Variants in DNAI7 observed in about 807,000 individuals in gnomAD.
The protein encoded by DNAI7 is cancer susceptibility 1.
In DNAI7, 78 loss-of-function variants were observed where a neutral mutation model predicts 86.6. The observed-to-expected ratio is 0.90, with a 90% confidence interval of 0.75 to 1.09. The LOEUF (loss-of-function observed/expected upper bound fraction) is 1.09. DNAI7 is among the 50% of genes least tolerant of loss of function. DNAI7 has a pLI of 0.00. For synonymous variants in DNAI7, 274 were observed against 273.0 expected (o/e 1.00, Z -0.04); for missense variants, 753 against 810.2 (o/e 0.93, Z 0.86).
Position 25,108,839 on chromosome 12 carries a change from A to AAAAAAAAAAAAC in DNAI7, c.1894-17_1894-16insGTTTTTTTTTTT. 9.0e-7 allele frequency: 1 copy of AAAAAAAAAAAAC among 1,112,048 alleles called. No homozygotes were observed. Among genetic ancestry groups the AAAAAAAAAAAAC allele is most frequent in the Non-Finnish European group, 1.2e-6 (1 of 814,768 alleles). 68.9% of individuals were successfully genotyped at this position (1,112,048 alleles called of 1,614,324 possible). Reference sequence around the variant, plus strand: ...GTTCCCTCACCTAAAAAAAAAAAAAATTCAAGCAAGTTGTTAATAATTCCT... The same window carrying AAAAAAAAAAAAC: ...GTTCCCTCACCTAAAAAAAAAAAAAAAAAAAAAAAAACTTCAAGCAAGTTGTTAATAATTCCT... On this transcript the variant is annotated splice_polypyrimidine_tract_variant and intron_variant, in intron 15 of 15. Coordinates refer to ENST00000395987, the MANE Select transcript of DNAI7 (RefSeq NM_018272.5).
At chr12:25,184,359 A>G (rs938760780) in intron 2 of DNAI7, among the ~76,000 whole-genome samples, 7 of 152,010 alleles carry the variant, frequency 4.6e-5, no homozygotes, top group African/African-American at 1.4e-4. Flanking sequence ...GACACTTCAT[A>G]TAACTGTAAT....
chr12:25,107,761 A>G (rs1477437064), downstream of DNAI7: 5 of 1,554,702 alleles, frequency 3.2e-6, no homozygotes, highest in African/African-American at 6.8e-5. Flanking sequence ...TAGCAAAAGG[A>G]ATGTTTCTAA....
chr12:25,134,916 C>T (rs903382883), intron 9 of DNAI7, among the ~76,000 whole-genome samples: 1 of 152,086 alleles, frequency 6.6e-6, no homozygotes, highest in African/African-American at 2.4e-5. Context: ...GATTCATATG[C>T]TTATATATTT....
chr12:25,181,182 C>T (rs970624992), intron 2 of DNAI7, among the ~76,000 whole-genome samples: 2 of 152,138 alleles, frequency 1.3e-5, no homozygotes, highest in Non-Finnish European at 2.9e-5. Flanking sequence ...GCAATCATAG[C>T]TTACTGTAAT....
chr12:25,117,811 A>T (rs1565634404), intron 12 of DNAI7, among the ~76,000 whole-genome samples: 1 of 152,174 alleles, frequency 6.6e-6, no homozygotes, highest in African/African-American at 2.4e-5. Flanking sequence ...CTTGTGTACA[A>T]TTTATAAACG....
chr12:25,170,404 A>T (rs1017681178), intron 2 of DNAI7, among the ~76,000 whole-genome samples: 9 of 151,882 alleles, frequency 5.9e-5, no homozygotes, highest in Non-Finnish European at 1.0e-4. Flanking sequence ...AAAAAAAAAA[A>T]GCCTCGTCCA....
At chr12:25,116,866 A>C (rs2140403837) in intron 12 of DNAI7, among the ~76,000 whole-genome samples, 1 of 152,338 alleles carries the variant, frequency 6.6e-6, no homozygotes, top group African/African-American at 2.4e-5. Flanking sequence ...AAACAATATC[A>C]AAAGAGATAC....
intron 13 of DNAI7, among the ~76,000 whole-genome samples, chr12:25,112,565 C>G (rs1939138545): frequency 6.6e-6 from 1 of 151,852 alleles, no homozygotes; most frequent in Admixed American, 6.6e-5. Flanking sequence ...CACCACCACA[C>G]CCGGCTAATT....
chr12:25,189,456 C>G (rs1002387882), intron 2 of DNAI7, among the ~76,000 whole-genome samples: 2 of 152,094 alleles, frequency 1.3e-5, no homozygotes, highest in African/African-American at 4.8e-5. Context: ...GCCTGGCCAA[C>G]AAAGTGAAAC....
Position 25,174,727 on chromosome 12 carries a change from T to TAC in DNAI7, c.22-13531_22-13530insGT, listed in dbSNP as rs1376472960. Among the ~76,000 whole-genome samples, 3 of 10,996 alleles carry TAC rather than the reference T, an allele frequency of 2.7e-4. 1 individual carries two copies. The highest frequency in any genetic ancestry group is 3.5e-4 in the Non-Finnish European group (2 of 5,710). 7.2% of individuals were successfully genotyped at this position (10,996 alleles called of 152,430 possible). A position where few individuals can be genotyped will look rare whatever the true frequency, so the allele number is the denominator to read the frequency against. On this transcript the variant is annotated intron_variant, in intron 2 of 15. Coordinates refer to ENST00000395987, the MANE Select transcript of DNAI7 (RefSeq NM_018272.5). ...TCATACATATGGAATATATATATCA[T>TAC]ATATATATGGAATATATATATCATA...
chr12:25,195,141 T>C lies in DNAI7; in HGVS notation c.-63A>G. The stretch of plus-strand genomic sequence containing the variant: ...GAGCAGAAATTGTGTGGACAAACGC[T>C]CCCGGGTTGCCCGGACGACAGGCCC... On this transcript the variant is annotated 5_prime_UTR_variant, in exon 1 of 16. Coordinates refer to ENST00000395987, the MANE Select transcript of DNAI7 (RefSeq NM_018272.5). The C allele has an allele frequency of 2.6e-6, 4 of 1,567,900 alleles. No individual in the cohort carries two copies. Among genetic ancestry groups the C allele is most frequent in the Admixed American group, 1.7e-5 (1 of 59,968 alleles).
chr12:25,123,916 T>A (rs1187966471), intron 9 of DNAI7, among the ~76,000 whole-genome samples: 1 of 151,916 alleles, frequency 6.6e-6, no homozygotes, highest in East Asian at 1.9e-4. Flanking sequence ...TCCGAAGAAA[T>A]AAGGAAACTG....
At position 25,128,425 on chromosome 12, in the gene DNAI7, G is replaced by A. The variant is rs138055914; in HGVS notation, c.1003-5139C>T. On this transcript the variant is annotated intron_variant, in intron 9 of 15. Transcript: ENST00000395987. ...ATAGACCAATGGTCCCCAAATATAA[G>A]CTAGTGATGCTCTGTAGGTCACACA... Among the ~76,000 whole-genome samples, 378 of 152,240 alleles carry A rather than the reference G, an allele frequency of 2.5e-3. 5 individuals carry two copies. The highest frequency in any genetic ancestry group is 0.021 in the South Asian group (99 of 4,820).
chr12:25,133,358 G>A (rs972933290), intron 9 of DNAI7, among the ~76,000 whole-genome samples: 1 of 152,022 alleles, frequency 6.6e-6, no homozygotes, highest in Non-Finnish European at 1.5e-5. Context: ...AATTATCTCT[G>A]TCTTCCTCTT....
chr12:25,153,925 C>G (rs1945857176), intron 6 of DNAI7, among the ~76,000 whole-genome samples: 1 of 152,132 alleles, frequency 6.6e-6, no homozygotes, highest in Non-Finnish European at 1.5e-5. Context: ...TTTGTACCCC[C>G]ACTGTCTAAC....
intron 8 of DNAI7, among the ~76,000 whole-genome samples, chr12:25,144,937 C>A (rs1944641432): frequency 6.6e-6 from 1 of 152,152 alleles, no homozygotes; most frequent in Non-Finnish European, 1.5e-5. Context: ...TTCTTCCTAA[C>A]CATCCCTTCA....
At chr12:25,147,481 C>CCCCA (rs1555170124) in intron 7 of DNAI7, among the ~76,000 whole-genome samples, 2 of 148,928 alleles carry the variant, frequency 1.3e-5, no homozygotes, top group East Asian at 2.0e-4. Flanking sequence ...ATGAGACCAC[C>CCCCA]CCCATCTCTA....
rs767641400 is a variant in DNAI7, at chr12:25,111,890, ATG to A, written c.1659_1660del (p.Ile554LeufsTer28). 1.9e-6 allele frequency: 3 copies of A among 1,605,946 alleles called. No homozygotes were observed. Among genetic ancestry groups the A allele is most frequent in the South Asian group, 2.2e-5 (2 of 89,836 alleles). On this transcript the variant is annotated frameshift_variant, in exon 14 of 16. Coordinates refer to ENST00000395987, the MANE Select transcript of DNAI7 (RefSeq NM_018272.5). LOFTEE classifies it high-confidence loss of function. ...CATCCAGGTTCCTTCCAAAATAGAG[ATG>A]TGTTTCTTGTCTTTTAGTTTGATTG...
intron 9 of DNAI7, among the ~76,000 whole-genome samples, chr12:25,138,515 C>T (rs945530722): frequency 6.6e-6 from 1 of 151,994 alleles, no homozygotes; most frequent in Non-Finnish European, 1.5e-5. Flanking sequence ...TTCTCTCAGA[C>T]CACAGGGAAT....
Sources: gnomAD v4.1 joint callset for allele counts (sites outside exome capture counted in the v4.1 genomes callset) on GRCh38, gnomAD v4.1.1 for gene constraint, MANE v1.5 for transcripts, NCBI Gene and HGNC (gene_info 2026-07-23, HGNC 2026-07-21) for gene names.